Variants in OXCT1 observed in about 807,000 individuals in gnomAD.
The protein encoded by OXCT1 is 3-oxoacid CoA-transferase 1, also known as succinyl-CoA:3-ketoacid coenzyme A transferase 1, mitochondrial.
Under a neutral mutation model 69.6 loss-of-function variants are expected in OXCT1, and 27 were observed. The ratio of observed to expected loss-of-function variants is 0.39; its 90% CI spans 0.29 to 0.54. The LOEUF (loss-of-function observed/expected upper bound fraction) is 0.54, where lower values mean the gene tolerates loss of function less well. OXCT1 is among the 20% of genes least tolerant of loss of function. The pLI, the probability that OXCT1 is intolerant of heterozygous loss-of-function variation, is 0.72. For missense variants in OXCT1, 437 were observed against 650.2 expected (o/e 0.67, Z 3.57); for synonymous variants, 202 against 217.8 (o/e 0.93, Z 0.64).
intron 14 of OXCT1, among the ~76,000 whole-genome samples, chr5:41,755,204 A>T (rs1383286384): frequency 7.9e-5 from 12 of 152,078 alleles, no homozygotes; most frequent in Non-Finnish European, 1.8e-4. Flanking sequence ...ATTTAAAGTG[A>T]TAAGGTTAAT....
intron 13 of OXCT1, among the ~76,000 whole-genome samples, chr5:41,779,048 A>C (rs544777699): frequency 6.6e-6 from 1 of 152,340 alleles, no homozygotes; most frequent in South Asian, 2.1e-4. Context: ...AAAGCCTTTA[A>C]GATCACTATA....
Position 41,859,878 on chromosome 5 carries a change from TA to T in OXCT1, c.278+1435del, listed in dbSNP as rs1340560213. Among the ~76,000 whole-genome samples, 21 of 120,448 alleles carry T rather than the reference TA, an allele frequency of 1.7e-4. 1 individual carries two copies. Among genetic ancestry groups the T allele is most frequent in the African/African-American group, 5.0e-4 (18 of 35,978 alleles). The allele number at this position is 120,448 out of a possible 152,430, so 79.0% of individuals were successfully genotyped here. A position where few individuals can be genotyped will look rare whatever the true frequency, so the allele number is the denominator to read the frequency against. ...ACTAGTATAGTAATATATATATATA[TA>T]TATATATGTAATATATATATATATA... On this transcript the variant is annotated intron_variant, in intron 3 of 16. Coordinates refer to ENST00000196371, the MANE Select transcript of OXCT1 (RefSeq NM_000436.4).
At chr5:41,802,272 T>C (rs984041201) in intron 10 of OXCT1, among the ~76,000 whole-genome samples, 1 of 152,144 alleles carries the variant, frequency 6.6e-6, no homozygotes, top group African/African-American at 2.4e-5. Context: ...GAATACATTT[T>C]CCATATGCAT....
At chr5:41,846,904 G>GT (rs1325403113) in intron 5 of OXCT1, among the ~76,000 whole-genome samples, 1 of 152,082 alleles carries the variant, frequency 6.6e-6, no homozygotes, top group Non-Finnish European at 1.5e-5. Context: ...ATTTTTTCAT[G>GT]TTTTTTGGCT....
At chr5:41,869,904 C>G (rs1431185711) in intron 1 of OXCT1, 1 of 341,528 alleles carries the variant, frequency 2.9e-6, no homozygotes, top group East Asian at 7.6e-5. Context: ...CCTCCATATA[C>G]TGGCGCCCTC....
chr5:41,843,594 T>C, intron 5 of OXCT1: 1 of 456,168 alleles, frequency 2.2e-6, no homozygotes, highest in South Asian at 1.5e-5. Context: ...CTTTTATTCT[T>C]GACGGTTTAT....
At chr5:41,744,966 T>G (rs1743391932) in intron 15 of OXCT1, among the ~76,000 whole-genome samples, 1 of 151,594 alleles carries the variant, frequency 6.6e-6, no homozygotes, top group Admixed American at 6.6e-5. Flanking sequence ...AATGGGACAT[T>G]CCACTGTCAA....
At chr5:41,801,451 T>C (rs1163932011) in intron 10 of OXCT1, among the ~76,000 whole-genome samples, 1 of 152,150 alleles carries the variant, frequency 6.6e-6, no homozygotes, top group Non-Finnish European at 1.5e-5. Context: ...CTCAGCATTT[T>C]GGGAGGCTGA....
At chr5:41,743,055 C>T (rs1743261073) in intron 15 of OXCT1, among the ~76,000 whole-genome samples, 1 of 152,208 alleles carries the variant, frequency 6.6e-6, no homozygotes, top group Non-Finnish European at 1.5e-5. Flanking sequence ...AATCACCACA[C>T]TGTCTTCCAC....
chr5:41,796,475 G>C (rs1746185513), intron 11 of OXCT1, among the ~76,000 whole-genome samples: 1 of 152,168 alleles, frequency 6.6e-6, no homozygotes, highest in Admixed American at 6.5e-5. Context: ...CAGGCAGTCT[G>C]AATATCCCTA....
chr5:41,840,604 T>C (rs1748581864), intron 6 of OXCT1, 93 bp from the exon 7 acceptor site: 2 of 747,536 alleles, frequency 2.7e-6, no homozygotes, highest in South Asian at 1.6e-5. Context: ...AGAATTTCTA[T>C]GAACTAAGAA....
chr5:41,805,461 T>A, intron 9 of OXCT1, 106 bp downstream of exon 9: 1 of 770,104 alleles, frequency 1.3e-6, no homozygotes, highest in South Asian at 1.5e-5. Flanking sequence ...CCTTAAAAGT[T>A]ACCATAGACT....
chr5:41,759,178 T>TA (rs1415934944), intron 14 of OXCT1, among the ~76,000 whole-genome samples: 2 of 151,250 alleles, frequency 1.3e-5, no homozygotes, highest in Admixed American at 6.6e-5. Flanking sequence ...GGATGTGGCA[T>TA]GGTGCAGTAT....
At chr5:41,840,899 A>C (rs1181450696) in intron 6 of OXCT1, among the ~76,000 whole-genome samples, 1 of 152,200 alleles carries the variant, frequency 6.6e-6, no homozygotes, top group Non-Finnish European at 1.5e-5. Flanking sequence ...GCTTTCATTA[A>C]AATATTAAGA....
At chr5:41,819,472 G>A (rs1180883058) in intron 7 of OXCT1, among the ~76,000 whole-genome samples, 2 of 152,088 alleles carry the variant, frequency 1.3e-5, no homozygotes, top group African/African-American at 2.4e-5. Context: ...CCGGGTTCAA[G>A]CGATTCTCCT....
In OXCT1 at chr5:41,800,945, A is replaced by G. The variant is rs1746391230; in HGVS notation, c.1099+77T>C. Reference sequence around the variant, plus strand: ...CATGGAGTGCTCTCCAGGAAAAGACAAAGAATTGAGTCCAAACTCTTATTA... The same window carrying G: ...CATGGAGTGCTCTCCAGGAAAAGACGAAGAATTGAGTCCAAACTCTTATTA... On this transcript the variant is annotated intron_variant, in intron 11 of 16. Transcript: ENST00000196371. 11 of 1,284,336 alleles carry G rather than the reference A, an allele frequency of 8.6e-6. No homozygotes were observed. The South Asian group carries it at 1.3e-4, about 15-fold the overall frequency. 79.6% of individuals were successfully genotyped at this position (1,284,336 alleles called of 1,614,324 possible). A position where few individuals can be genotyped will look rare whatever the true frequency, so the allele number is the denominator to read the frequency against.
intron 14 of OXCT1, among the ~76,000 whole-genome samples, chr5:41,755,955 C>T (rs150900445): frequency 6.6e-6 from 1 of 152,056 alleles, no homozygotes; most frequent in East Asian, 1.9e-4. Flanking sequence ...GTATAAAGAT[C>T]GCTACAGTTT....
At chr5:41,731,825 C>G (rs779653264) in intron 16 of OXCT1, 55 bp from the exon 17 acceptor site, 2 of 1,563,604 alleles carry the variant, frequency 1.3e-6, no homozygotes, top group Admixed American at 1.9e-5. Context: ...ATATAAATCT[C>G]TCTCCTTTTA....
chr5:41,771,163 G>A (rs1221248095), intron 13 of OXCT1, among the ~76,000 whole-genome samples: 1 of 152,066 alleles, frequency 6.6e-6, no homozygotes, highest in Non-Finnish European at 1.5e-5. Context: ...TCTGTTCCTA[G>A]CTATTAATTA....
Sources: gnomAD v4.1 joint callset for allele counts (sites outside exome capture counted in the v4.1 genomes callset) on GRCh38, gnomAD v4.1.1 for gene constraint, MANE v1.5 for transcripts, NCBI Gene and HGNC (gene_info 2026-07-23, HGNC 2026-07-21) for gene names.